The following CASP8 variants were observed in gnomAD, a reference collection of about 807,000 sequenced individuals.
CASP8 encodes caspase-8.
In CASP8, 24 loss-of-function variants were observed where a neutral mutation model predicts 46.3. The ratio of observed to expected loss-of-function variants is 0.52; its 90% CI spans 0.38 to 0.73. The LOEUF is 0.73. Ranked by LOEUF, CASP8 falls within the 30% of genes least tolerant of loss-of-function variation. CASP8 has a pLI of 0.00. For missense variants in CASP8, 460 were observed against 559.0 expected, an observed-to-expected ratio of 0.82 and a Z score of 1.79; for synonymous variants, 188 against 200.4, an observed-to-expected ratio of 0.94 and a Z score of 0.52.
chr2:201,275,865 G>A lies in CASP8; in HGVS notation c.660+912G>A, dbSNP rs79191386. On this transcript the variant is annotated intron_variant, in intron 6 of 8. Coordinates refer to ENST00000673742, the MANE Select transcript of CASP8 (RefSeq NM_001372051.1). ...TCTGGGATTATAGGTACTAGCCACC[G>A]TGCCTGGCCAAATCTTAGTGTCTTA... Among the ~76,000 whole-genome samples, 700 of 152,214 alleles carry A rather than the reference G, an allele frequency of 4.6e-3. 11 individuals carry two copies. Among genetic ancestry groups the A allele is most frequent in the Non-Finnish European group, 2.5e-3 (171 of 68,026 alleles).
intron 7 of CASP8, among the ~76,000 whole-genome samples, chr2:201,279,907 C>A (rs996667834): frequency 1.3e-5 from 2 of 152,006 alleles, no homozygotes; most frequent in Non-Finnish European, 2.9e-5. Flanking sequence ...GAGCTGAGAT[C>A]GTACCACTGC....
Position 201,252,805 on chromosome 2 carries a change from G to A in CASP8, c.-26-13656G>A, listed in dbSNP as rs1196058448. Among the ~76,000 whole-genome samples, 3 of 152,130 alleles carry A rather than the reference G, an allele frequency of 2.0e-5. No homozygotes were observed. The East Asian group carries it at 5.8e-4, about 29-fold the overall frequency. ...AGAATACGTGGTGTTATCACTAACA[G>A]TTTTGAGGAAAGAAATAATTGCCTA... is the stretch of plus-strand genomic sequence containing the variant. On this transcript the variant is annotated intron_variant, in intron 2 of 6. Coordinates refer to the CASP8 transcript ENST00000264274.
At chr2:201,252,809 T>A (rs1014480362) in intron 2 of CASP8, among the ~76,000 whole-genome samples, 4 of 152,200 alleles carry the variant, frequency 2.6e-5, no homozygotes, top group Non-Finnish European at 5.9e-5. Flanking sequence ...CTAACAGTTT[T>A]GAGGAAAGAA....
intron 2 of CASP8, among the ~76,000 whole-genome samples, chr2:201,238,446 C>CT (rs11395715): frequency 0.069 from 10,348 of 149,496 alleles, 637 homozygotes; most frequent in South Asian, 0.3. Flanking sequence ...TTTTTTCTTT[C>CT]TTTTTTTTTT....
At chr2:201,281,793 A>C (rs1421599622) in intron 7 of CASP8, 1 of 1,316,650 alleles carries the variant, frequency 7.6e-7, no homozygotes, top group Non-Finnish European at 1.0e-6. Context: ...TAGAGAAAAC[A>C]GACCAACAAT....
intron 2 of CASP8, among the ~76,000 whole-genome samples, chr2:201,254,173 C>T (rs1055057077): frequency 3.3e-4 from 50 of 151,896 alleles, no homozygotes; most frequent in African/African-American, 1.1e-3. Context: ...TTTCTAAATC[C>T]GTGGTACGGA....
At chr2:201,238,400 C>T (rs1252058778) in intron 2 of CASP8, among the ~76,000 whole-genome samples, 5 of 152,078 alleles carry the variant, frequency 3.3e-5, no homozygotes, top group African/African-American at 1.2e-4. Flanking sequence ...ACAATGAAAC[C>T]CTGAAACATT....
chr2:201,280,593 A>G (rs1948937336), intron 7 of CASP8, among the ~76,000 whole-genome samples: 1 of 152,248 alleles, frequency 6.6e-6, no homozygotes, highest in Non-Finnish European at 1.5e-5. Flanking sequence ...TAAACTAAAG[A>G]CTCATACAGG....
At chr2:201,274,510 T>C (rs546382623) in intron 5 of CASP8, among the ~76,000 whole-genome samples, 17 of 152,384 alleles carry the variant, frequency 1.1e-4, no homozygotes, top group Non-Finnish European at 2.4e-4. Flanking sequence ...AGTCTCACTC[T>C]GTTGCCCAGG....
At chr2:201,234,823 C>CA (rs1272695188) in intron 2 of CASP8, among the ~76,000 whole-genome samples, 2 of 151,990 alleles carry the variant, frequency 1.3e-5, no homozygotes, top group Non-Finnish European at 2.9e-5. Flanking sequence ...ATAATGTGAC[C>CA]ACTAGATGAA....
In CASP8 at chr2:201,271,563, G is replaced by A; in HGVS notation, c.353G>A (p.Arg118Lys). The A allele has an allele frequency of 6.2e-7, 1 of 1,611,880 alleles. No homozygotes were observed. The highest frequency in any genetic ancestry group is 1.1e-5 in the South Asian group (1 of 91,040). ...GAAGAAGTGAGCAGATCAGAATTGA[G>A]GTCTTTTAAGTTTCTTTTGCAAGAG... ...ISEEVSRSELRSFKFLLQEEI... is the reference protein window; with the variant it reads ...ISEEVSRSELKSFKFLLQEEI... The change falls in exon 3 of 9, where the codon AGG becomes AAG. Residue 118 changes from arginine to lysine, a missense_variant. Physicochemically the swap from Arg to Lys is conservative, Grantham distance 26 (BLOSUM62 2). Coordinates refer to ENST00000673742, the MANE Select transcript of CASP8 (RefSeq NM_001372051.1).
upstream of CASP8, chr2:201,258,363 G>A (rs2125048314): frequency 6.2e-7 from 1 of 1,613,948 alleles, no homozygotes; most frequent in Non-Finnish European, 8.5e-7. Context: ...CTGCGATGGT[G>A]CCAGGAAAGG....
intron 7 of CASP8, among the ~76,000 whole-genome samples, chr2:201,282,509 G>A (rs1425279835): frequency 9.0e-6 from 1 of 111,306 alleles, no homozygotes; most frequent in Non-Finnish European, 2.1e-5. Context: ...CCCAGTAGGG[G>A]CGGCCCGGCA....
intron 2 of CASP8, among the ~76,000 whole-genome samples, chr2:201,249,795 C>T (rs1238497670): frequency 2.0e-5 from 3 of 152,180 alleles, no homozygotes; most frequent in Non-Finnish European, 4.4e-5. Context: ...CACTTCTCCC[C>T]TCCCCACACT....
At chr2:201,276,281 G>A (rs1948624333) in intron 6 of CASP8, among the ~76,000 whole-genome samples, 1 of 152,186 alleles carries the variant, frequency 6.6e-6, no homozygotes, top group Admixed American at 6.5e-5. Flanking sequence ...CAGCCACCGT[G>A]GTCCTGAGAG....
chr2:201,237,083 C>CTCTTTTTTT (rs1296037627), intron 2 of CASP8, among the ~76,000 whole-genome samples: 1 of 121,352 alleles, frequency 8.2e-6, no homozygotes, highest in African/African-American at 3.5e-5. Context: ...TGACCCCTTT[C>CTCTTTTTTT]TATTTTTTTT....
At chr2:201,252,304 T>C (rs1946823150) in intron 2 of CASP8, among the ~76,000 whole-genome samples, 1 of 151,888 alleles carries the variant, frequency 6.6e-6, no homozygotes, top group Non-Finnish European at 1.5e-5. Flanking sequence ...TGAGACAGAG[T>C]CTCGCTCTGT....
At chr2:201,262,445 A>G (rs1448706564) in intron 1 of CASP8, 1 of 151,668 alleles carries the variant, frequency 6.6e-6, no homozygotes, top group African/African-American at 2.4e-5. Flanking sequence ...ATGTAATACA[A>G]ATAGACTTAT....
chr2:201,266,861 CT>C lies in CASP8; in HGVS notation c.305+78del. On this transcript the variant is annotated intron_variant, in intron 2 of 8. Transcript: ENST00000673742. This position sits in a 1 kb window ranked among gnomAD's most constrained non-coding sequence, Gnocchi z 5.7. ...TGGACAGCCTCTGAGCTGATTGGGG[CT>C]TTTTTTTGTGGTACCCTGCCTAGTG... The C allele has an allele frequency of 9.2e-5, 112 of 1,223,586 alleles. No individual in the cohort carries two copies. Among genetic ancestry groups the C allele is most frequent in the Non-Finnish European group, 1.0e-4 (88 of 868,398 alleles). The allele number at this position is 1,223,586 out of a possible 1,614,324, so 75.8% of individuals were successfully genotyped here. A position where few individuals can be genotyped will look rare whatever the true frequency, so the allele number is the denominator to read the frequency against.
Sources: allele counts gnomAD v4.1 joint callset (sites outside exome capture counted in the v4.1 genomes callset), GRCh38; gene constraint gnomAD v4.1.1; non-coding constraint Gnocchi (gnomAD v3.1); transcripts MANE v1.5; gene names NCBI Gene and HGNC (gene_info 2026-07-23, HGNC 2026-07-21).